Variants in FRAS1 observed in about 807,000 individuals in gnomAD.
FRAS1 encodes the protein Fraser extracellular matrix complex subunit 1.
FRAS1 carries 290 observed loss-of-function variants against 435.2 expected under a neutral mutation model. The ratio of observed to expected loss-of-function variants is 0.67; its 90% CI spans 0.61 to 0.73. The LOEUF (loss-of-function observed/expected upper bound fraction) is 0.73. Among genes scored for constraint, FRAS1 ranks in the 30% least tolerant of loss-of-function variants. The pLI, the probability that FRAS1 is intolerant of heterozygous loss-of-function variation, is 0.00. For synonymous variants in FRAS1, 1,800 were observed against 1,851.0 expected, an observed-to-expected ratio of 0.97 and a Z score of 0.71; for missense variants, 4,860 against 5,001.5, an observed-to-expected ratio of 0.97 and a Z score of 0.85.
chr4:78,477,865 CGAT>C lies in FRAS1; in HGVS notation c.7908_7910del (p.Asp2637del). 1 of 1,613,440 alleles carries C rather than the reference CGAT, an allele frequency of 6.2e-7. No homozygotes were observed. Among genetic ancestry groups the C allele is most frequent in the South Asian group, 1.1e-5 (1 of 90,906 alleles). On this transcript the variant is annotated inframe_deletion, in exon 55 of 74. Coordinates refer to ENST00000512123, the MANE Select transcript of FRAS1 (RefSeq NM_025074.7). ...CCAAGTCCTGCACCATTGTCATCAA[CGAT>C]GATGACGTGTTTGAAAATGTTGAGA...
intron 2 of FRAS1, among the ~76,000 whole-genome samples, chr4:78,101,972 C>T (rs13148778): frequency 0.019 from 2,883 of 152,246 alleles, 36 homozygotes; most frequent in Non-Finnish European, 0.032. Flanking sequence ...CAAATAAAAG[C>T]CATTCCCCCT....
At chr4:78,380,149 T>C (rs1185194140) in intron 27 of FRAS1, among the ~76,000 whole-genome samples, 153 bp downstream of exon 27, 1 of 152,194 alleles carries the variant, frequency 6.6e-6, no homozygotes, top group Non-Finnish European at 1.5e-5. Context: ...CAGCTGCCTG[T>C]CATCATTTCC....
At chr4:78,077,302 C>T (rs1740687534) in intron 2 of FRAS1, among the ~76,000 whole-genome samples, 1 of 152,084 alleles carries the variant, frequency 6.6e-6, no homozygotes, top group African/African-American at 2.4e-5. Context: ...CCCCGGAAGT[C>T]AAGGCTTCAG....
intron 2 of FRAS1, among the ~76,000 whole-genome samples, chr4:78,133,648 C>A (rs895611480): frequency 6.6e-6 from 1 of 152,112 alleles, no homozygotes; most frequent in Non-Finnish European, 1.5e-5. Context: ...ATATATATAC[C>A]TACTATATAC....
chr4:78,338,097 C>T, intron 20 of FRAS1: 2 of 314,600 alleles, frequency 6.4e-6, no homozygotes, highest in Non-Finnish European at 1.2e-5. Flanking sequence ...TATATGCATT[C>T]AAAACTTCTT....
intron 2 of FRAS1, among the ~76,000 whole-genome samples, chr4:78,193,172 C>T (rs1227532632): frequency 6.6e-6 from 1 of 152,080 alleles, no homozygotes; most frequent in Non-Finnish European, 1.5e-5. Context: ...TTACACTTGC[C>T]AAGGAGTGCT....
At chr4:78,337,010 T>C (rs931394425) in intron 19 of FRAS1, among the ~76,000 whole-genome samples, 4 of 151,876 alleles carry the variant, frequency 2.6e-5, no homozygotes, top group Non-Finnish European at 5.9e-5. Flanking sequence ...CTCTTGTTAA[T>C]TTGGTGGTTT....
At chr4:78,071,164 A>C (rs563322346) in intron 2 of FRAS1, 26 of 152,346 alleles carry the variant, frequency 1.7e-4, no homozygotes, top group African/African-American at 6.3e-4. Context: ...TGGAATGTTG[A>C]CTATATATAA....
intron 26 of FRAS1, chr4:78,379,520 G>A (rs1234188658): frequency 5.4e-6 from 3 of 555,002 alleles, no homozygotes; most frequent in Non-Finnish European, 9.3e-6. Flanking sequence ...CCTAGAGCGA[G>A]CTGACGGTTG....
intron 14 of FRAS1, among the ~76,000 whole-genome samples, chr4:78,307,331 T>C (rs1349251402): frequency 6.6e-6 from 1 of 152,248 alleles, no homozygotes; most frequent in African/African-American, 2.4e-5. Context: ...GTCTGTGCCC[T>C]GCCCCCAGAG....
intron 26 of FRAS1, among the ~76,000 whole-genome samples, chr4:78,377,658 T>C (rs1450176806): frequency 6.6e-6 from 1 of 152,232 alleles, no homozygotes; most frequent in Non-Finnish European, 1.5e-5. Context: ...CTGATAATCC[T>C]ACTCCAGTGT....
intron 59 of FRAS1, among the ~76,000 whole-genome samples, chr4:78,493,732 C>A (rs1720434032): frequency 6.6e-6 from 1 of 152,002 alleles, no homozygotes; most frequent in Non-Finnish European, 1.5e-5. Context: ...GTGCAGCAAA[C>A]CACCATGACA....
intron 26 of FRAS1, chr4:78,379,500 A>T: frequency 2.0e-6 from 1 of 504,178 alleles, no homozygotes; most frequent in Non-Finnish European, 3.5e-6. Context: ...CTTCAGGAAT[A>T]CCGAAGTTCC....
At chr4:78,158,902 G>A (rs578246230) in intron 2 of FRAS1, among the ~76,000 whole-genome samples, 154 of 152,246 alleles carry the variant, frequency 1.0e-3, no homozygotes, top group Non-Finnish European at 1.9e-3. Flanking sequence ...TGGTGTGGGT[G>A]TTCAGTAGTG....
intron 2 of FRAS1, among the ~76,000 whole-genome samples, chr4:78,122,285 G>A (rs1719075350): frequency 6.6e-6 from 1 of 152,112 alleles, no homozygotes; most frequent in Non-Finnish European, 1.5e-5. Flanking sequence ...CTTCATCCAT[G>A]TCCCTGCAAA....
chr4:78,058,899 G>T (rs766723591), intron 1 of FRAS1, among the ~76,000 whole-genome samples: 41 of 152,226 alleles, frequency 2.7e-4, no homozygotes, highest in Non-Finnish European at 5.4e-4. Context: ...CGGGCCTGGG[G>T]ACGCGAGGCG....
At chr4:78,206,153 T>A (rs574407383) in intron 2 of FRAS1, among the ~76,000 whole-genome samples, 23 of 152,148 alleles carry the variant, frequency 1.5e-4, no homozygotes. Flanking sequence ...AGATAGGAGT[T>A]AGAGTGTCCT....
chr4:78,317,624 T>A, intron 17 of FRAS1, 116 bp downstream of exon 17: 2 of 915,334 alleles, frequency 2.2e-6, no homozygotes, highest in Non-Finnish European at 1.6e-6. Context: ...CTTTTATGGC[T>A]ATCCATACAT....
At position 78,239,583 on chromosome 4, in the gene FRAS1, A is replaced by C. The variant is rs1724915396; in HGVS notation, c.216+1966A>C. On this transcript the variant is annotated intron_variant, in intron 3 of 73. Coordinates refer to ENST00000512123, the MANE Select transcript of FRAS1 (RefSeq NM_025074.7). ...CTTCCAGTGGCTTCTCTTCTTACTC[A>C]AAGTAACATTTCCCAATGTCCTTTA... Among the ~76,000 whole-genome samples, 4 of 152,070 alleles carry C rather than the reference A, an allele frequency of 2.6e-5. No individual in the cohort carries two copies. The South Asian group carries it at 8.3e-4, about 32-fold the overall frequency.
Sources: allele counts gnomAD v4.1 joint callset (sites outside exome capture counted in the v4.1 genomes callset), GRCh38; gene constraint gnomAD v4.1.1; transcripts MANE v1.5; gene names NCBI Gene and HGNC (gene_info 2026-07-23, HGNC 2026-07-21).